The following CLSPN variants were observed in gnomAD, a reference collection of about 807,000 sequenced individuals.
CLSPN encodes claspin.
A neutral mutation model predicts 156.3 loss-of-function variants in CLSPN; 85 were observed. That is an observed-to-expected ratio of 0.54 (90% CI 0.46 to 0.65). CLSPN has a LOEUF of 0.65. Ranked by LOEUF, CLSPN falls within the 30% of genes least tolerant of loss-of-function variation. The pLI is 0.00. For synonymous variants in CLSPN, 534 were observed against 542.4 expected, an observed-to-expected ratio of 0.98 and a Z score of 0.22; for missense variants, 1,407 against 1,554.9, an observed-to-expected ratio of 0.90 and a Z score of 1.60.
At chr1:35,768,139 G>A (rs776668998) in intron 1 of CLSPN, among the ~76,000 whole-genome samples, 4 of 152,202 alleles carry the variant, frequency 2.6e-5, no homozygotes, top group Non-Finnish European at 5.9e-5. Flanking sequence ...GGAGGCCGAG[G>A]TGGGTGGATC....
chr1:35,749,370 G>T, intron 12 of CLSPN, 97 bp downstream of exon 12: 1 of 1,139,336 alleles, frequency 8.8e-7, no homozygotes, highest in Non-Finnish European at 1.3e-6. Context: ...GAAGTGACCA[G>T]ATTTAAAAAC....
Position 35,763,218 on chromosome 1 carries a change from T to C in CLSPN, c.686A>G (p.Asp229Gly), listed in dbSNP as rs752641073. The C allele has an allele frequency of 6.2e-7, 1 of 1,608,912 alleles. No homozygotes were observed. Among genetic ancestry groups the C allele is most frequent in the South Asian group, 1.1e-5 (1 of 89,962 alleles). The change falls in exon 4 of 25, where the codon GAT becomes GGT. Residue 229 changes from aspartate (D) to glycine (G), a missense_variant. Coordinates refer to ENST00000318121, the MANE Select transcript of CLSPN (RefSeq NM_022111.4). ...LEDENNSPLE[D>G]EESLESIRAA... is the part of the protein sequence containing the mutation. ...TCTTATTGATTCTAATGACTCTTCA[T>C]CTTCCAATGGAGAGTTATTTTCATC... is the stretch of plus-strand genomic sequence containing the variant.
At position 35,736,578 on chromosome 1, in the gene CLSPN, G is replaced by C; in HGVS notation, c.3938C>G (p.Thr1313Ser). The C allele has an allele frequency of 6.2e-7, 1 of 1,612,464 alleles. No homozygotes were observed. Among genetic ancestry groups the C allele is most frequent in the Non-Finnish European group, 8.5e-7 (1 of 1,179,434 alleles). The change falls in exon 25 of 25, where the codon ACT (threonine) becomes AGT (serine). Residue 1313 changes from threonine to serine, a missense_variant. Thr to Ser is a moderately conservative substitution (Grantham distance 58). This residue lies in a region of CLSPN where 241 missense variants were observed against 240.5 expected (regional missense o/e 1.00). Coordinates refer to ENST00000318121, the MANE Select transcript of CLSPN (RefSeq NM_022111.4). Reference sequence around the variant, plus strand: ...TTTGAGGTGCTTAGGTGAAGGAGAAGTCATGAAAGATGGACCCCTTTTCTT... The same window carrying C: ...TTTGAGGTGCTTAGGTGAAGGAGAACTCATGAAAGATGGACCCCTTTTCTT... ...QVKKRGPSFMTSPSPKHLKTD... is the reference protein window; with the variant it reads ...QVKKRGPSFMSSPSPKHLKTD...
chr1:35,767,431 A>G (rs1057118198), intron 1 of CLSPN, among the ~76,000 whole-genome samples: 1 of 152,186 alleles, frequency 6.6e-6, no homozygotes, highest in African/African-American at 2.4e-5. Context: ...ATAAAACAAG[A>G]TTGGCCATGA....
intron 18 of CLSPN, among the ~76,000 whole-genome samples, 186 bp downstream of exon 18, chr1:35,742,955 G>C (rs959592025): frequency 3.9e-5 from 6 of 151,942 alleles, no homozygotes; most frequent in African/African-American, 1.5e-4. Context: ...CACCATGTTT[G>C]TCAGGATGGT....
At chr1:35,765,995 T>TCTC (rs1553138635) in intron 1 of CLSPN, among the ~76,000 whole-genome samples, 15 of 1,434 alleles carry the variant, frequency 0.01, no homozygotes, top group East Asian at 0.045. Flanking sequence ...TCTCTCTCTC[T>TCTC]TTTTTTTTTT....
In CLSPN at chr1:35,732,417, A is replaced by G. The variant is rs1641340424; in HGVS notation, c.*4079T>C. On this transcript the variant is annotated 3_prime_UTR_variant, in exon 25 of 25. Coordinates refer to ENST00000318121, the MANE Select transcript of CLSPN (RefSeq NM_022111.4). Reference sequence around the variant, plus strand: ...TCTCAAAGTGAGGAGAAGTTTGTAGAGAAGCAGTTGAGAAAATGAGGGATG... The same window carrying G: ...TCTCAAAGTGAGGAGAAGTTTGTAGGGAAGCAGTTGAGAAAATGAGGGATG... 1 of 985,304 alleles carries G rather than the reference A, an allele frequency of 1.0e-6. No individual in the cohort carries two copies. The highest frequency in any genetic ancestry group is 1.2e-6 in the Non-Finnish European group (1 of 829,920). 61.0% of individuals were successfully genotyped at this position (985,304 alleles called of 1,614,324 possible).
Position 35,738,113 on chromosome 1 carries a change from A to AAAATATAT in CLSPN, c.3559-17_3559-16insATATATTT. The AAAATATAT allele has an allele frequency of 2.8e-6, 1 of 362,626 alleles. No homozygotes were observed. Among genetic ancestry groups the AAAATATAT allele is most frequent in the Non-Finnish European group, 3.7e-6 (1 of 271,580 alleles). 22.5% of individuals were successfully genotyped at this position (362,626 alleles called of 1,614,324 possible). ...CCTGCTGTGCCTGAAAAAAAAAAAA[A>AAAATATAT]ATATATATATATATATATATATATA... On this transcript the variant is annotated splice_polypyrimidine_tract_variant and intron_variant, in intron 21 of 24. Transcript: ENST00000318121.
At chr1:35,741,888 G>A (rs1033065177) in intron 18 of CLSPN, among the ~76,000 whole-genome samples, 13 of 139,166 alleles carry the variant, frequency 9.3e-5, no homozygotes, top group African/African-American at 2.9e-4. Flanking sequence ...CAGGAGAATC[G>A]CTTTGAACCC....
chr1:35,748,285 A>C (rs1641959552), intron 13 of CLSPN, 120 bp downstream of exon 13: 1 of 1,044,992 alleles, frequency 9.6e-7, no homozygotes, highest in Non-Finnish European at 1.4e-6. Flanking sequence ...TGGATTTTTT[A>C]AACTGAACAC....
At chr1:35,751,865 G>A (rs1236594126) in intron 9 of CLSPN, among the ~76,000 whole-genome samples, 4 of 152,136 alleles carry the variant, frequency 2.6e-5, no homozygotes, top group Non-Finnish European at 4.4e-5. Flanking sequence ...CTAATGATAT[G>A]AACTGGCAGT....
Position 35,769,939 on chromosome 1 carries a change from G to T in CLSPN, c.-69C>A. On this transcript the variant is annotated 5_prime_UTR_variant, in exon 1 of 25. Transcript: ENST00000318121. The stretch of plus-strand genomic sequence containing the variant: ...TGATTCCCTCAGCCGGAGAGCAGCG[G>T]CTCCCGCCGTCTCCAGCCCAGCAGT... 1.3e-6 allele frequency: 2 copies of T among 1,575,282 alleles called. No individual in the cohort carries two copies. The highest frequency in any genetic ancestry group is 1.1e-5 in the South Asian group (1 of 88,432).
intron 22 of CLSPN, chr1:35,737,630 G>C: frequency 1.9e-6 from 1 of 536,322 alleles, no homozygotes. Flanking sequence ...AAAAACAGAA[G>C]TGGTCAGTGT....
chr1:35,765,220 C>G lies in CLSPN; in HGVS notation c.131G>C (p.Gly44Ala). The G allele has an allele frequency of 6.2e-7, 1 of 1,601,554 alleles. No homozygotes were observed. Among genetic ancestry groups the G allele is most frequent in the Non-Finnish European group, 8.6e-7 (1 of 1,169,238 alleles). The change falls in exon 2 of 25, where the codon GGA becomes GCA. Residue 44 changes from glycine (G) to alanine (A), a missense_variant and splice_region_variant. By Grantham distance (60) the Gly-to-Ala change is moderately conservative. This residue lies in a region of CLSPN where 1,096 missense variants were observed against 1,193.0 expected (regional missense o/e 0.92). Coordinates refer to ENST00000318121, the MANE Select transcript of CLSPN (RefSeq NM_022111.4). The stretch of plus-strand genomic sequence containing the variant: ...AAAATAAAAGTACTATTACAAACCT[C>G]CTTCACTCAAGGGTCCAATTGTTTC... ...SYETIGPLSE[G>A]DSDEEIFVSK...
chr1:35,746,561 AT>A lies in CLSPN; in HGVS notation c.2854+204del, dbSNP rs202083718. On this transcript the variant is annotated intron_variant, in intron 15 of 24. Coordinates refer to ENST00000318121, the MANE Select transcript of CLSPN (RefSeq NM_022111.4). This position sits in a 1 kb window ranked among gnomAD's most constrained non-coding sequence, Gnocchi z 4.2. ...AGGCACGTGCCACCATGCCTGGCTA[AT>A]TTTTTTTTTTTTTTTCGTAGAGATG... Among the ~76,000 whole-genome samples the A allele has an allele frequency of 0.016, 2,224 of 135,960 alleles. 31 individuals are homozygous for A. Among genetic ancestry groups the A allele is most frequent in the African/African-American group, 0.04 (1,473 of 37,130 alleles). 89.2% of individuals were successfully genotyped at this position (135,960 alleles called of 152,430 possible).
Position 35,753,889 on chromosome 1 carries a change from C to A in CLSPN, c.1627G>T (p.Ala543Ser), listed in dbSNP as rs779431980. 2.5e-6 allele frequency: 4 copies of A among 1,614,102 alleles called. No homozygotes were observed. The African/African-American group carries it at 5.3e-5, about 22-fold the overall frequency. ...ACTGTCTGACCAGCCCTGGGTTTGG[C>A]TGCTGGATTAGCATGCTTCCAGAAA... ...QRFWKHANPAAKPRAGQTVNV... is the reference protein window; with the variant it reads ...QRFWKHANPASKPRAGQTVNV... Residue 543 changes from alanine to serine, a missense_variant, in exon 9 of 25, where the codon GCC (alanine) becomes TCC (serine). Ala to Ser is a moderately conservative substitution (Grantham distance 99). Transcript: ENST00000318121.
chr1:35,738,840 G>A (rs915450026), intron 20 of CLSPN, among the ~76,000 whole-genome samples: 8 of 138,964 alleles, frequency 5.8e-5, no homozygotes, highest in Middle Eastern at 3.8e-3. Flanking sequence ...TCGCTCTGTC[G>A]CCCAGGCTGG....
In CLSPN at chr1:35,760,916, C is replaced by T. The variant is rs778916463; in HGVS notation, c.1005G>A (p.Lys335=). 8.1e-6 allele frequency: 13 copies of T among 1,599,536 alleles called. No individual in the cohort carries two copies. The highest frequency in any genetic ancestry group is 3.3e-4 in the Middle Eastern group (2 of 6,032). Residue 335 remains lysine, a splice_region_variant and synonymous_variant, in exon 8 of 25, where the codon AAG becomes AAA. Transcript: ENST00000318121. ...GATGGCTTGACTGATATTTAGATGA[C>T]CTAGAGAAGAGAAATTGAGCTGGAG... ...TCHGNAMALL[K]SSKYQSSHHK... is the part of the protein sequence containing the mutation.
chr1:35,769,827 G>A lies in CLSPN; in HGVS notation c.24+20C>T. 6.3e-7 allele frequency: 1 copy of A among 1,593,488 alleles called. No individual in the cohort carries two copies. The highest frequency in any genetic ancestry group is 8.5e-7 in the Non-Finnish European group (1 of 1,169,932). ...GCCCGGCCTTCTAAGCCCCCGTGGG[G>A]GGCGTGTGCATAAACTCACCTCAGA... On this transcript the variant is annotated intron_variant, in intron 1 of 24. Transcript: ENST00000318121.
Sources: gnomAD v4.1 joint callset for allele counts (sites outside exome capture counted in the v4.1 genomes callset) on GRCh38, gnomAD v4.1.1 for gene constraint, gnomAD v4.1.1 regional missense constraint, Gnocchi (gnomAD v3.1) non-coding constraint, MANE v1.5 for transcripts, NCBI Gene and HGNC (gene_info 2026-07-23, HGNC 2026-07-21) for gene names.